The following TENM3 variants were observed in gnomAD, a reference collection of about 807,000 sequenced individuals.
TENM3 encodes teneurin-3.
In TENM3, 63 loss-of-function variants were observed where a neutral mutation model predicts 255.1. The ratio of observed to expected loss-of-function variants is 0.25; its 90% CI spans 0.20 to 0.30. The LOEUF is 0.30. Among genes scored for constraint, TENM3 ranks in the 10% least tolerant of loss-of-function variants. TENM3 has a pLI of 1.00. For synonymous variants in TENM3, 1,306 were observed against 1,322.3 expected (o/e 0.99, Z 0.27); for missense variants, 2,929 against 3,461.1 (o/e 0.85, Z 3.86).
At chr4:181,482,761 C>T in the TENM3 span, among the ~76,000 whole-genome samples, 3 of 152,122 alleles carry the variant, frequency 2.0e-5, no homozygotes, top group Non-Finnish European at 4.4e-5. Flanking sequence ...TGTATTTTAC[C>T]GACCTTTCGT....
At chr4:181,534,654 T>C in the TENM3 span, among the ~76,000 whole-genome samples, 1 of 152,114 alleles carries the variant, frequency 6.6e-6, no homozygotes, top group Non-Finnish European at 1.5e-5. Flanking sequence ...TGAGCTGTGT[T>C]CCCAGAGTAC....
the TENM3 span, among the ~76,000 whole-genome samples, chr4:181,531,972 A>G: frequency 2.0e-5 from 3 of 152,202 alleles, no homozygotes; most frequent in African/African-American, 7.2e-5. Context: ...AACCATCCCC[A>G]GGTGTCTCTG....
chr4:182,382,788 A>T (rs766430609), intron 3 of TENM3, among the ~76,000 whole-genome samples: 3 of 152,026 alleles, frequency 2.0e-5, no homozygotes, highest in African/African-American at 4.8e-5. Flanking sequence ...CTTTTCAGGA[A>T]CTCATTATGT....
chr4:182,593,036 A>T (rs546898090), intron 3 of TENM3, among the ~76,000 whole-genome samples: 2 of 152,344 alleles, frequency 1.3e-5, no homozygotes, highest in East Asian at 3.9e-4. Flanking sequence ...TAGAAGAAAT[A>T]ATCAAAGACT....
the TENM3 span, among the ~76,000 whole-genome samples, chr4:181,729,693 G>T: frequency 6.6e-6 from 1 of 152,162 alleles, no homozygotes; most frequent in South Asian, 2.1e-4. Context: ...CTTCTCCACT[G>T]GGTTATTCAG....
the TENM3 span, among the ~76,000 whole-genome samples, chr4:181,716,231 TA>T: frequency 6.6e-6 from 1 of 152,144 alleles, no homozygotes; most frequent in African/African-American, 2.4e-5. Flanking sequence ...GTAATCACAT[TA>T]AAGAAGTAAA....
chr4:182,730,164 C>G, intron 14 of TENM3, 36 bp from the exon 15 acceptor site: 1 of 1,612,332 alleles, frequency 6.2e-7, no homozygotes, highest in Non-Finnish European at 8.5e-7. Context: ...CCTGAAAAGA[C>G]AGATGTTCAT....
At chr4:181,873,072 G>C in the TENM3 span, among the ~76,000 whole-genome samples, 2 of 151,640 alleles carry the variant, frequency 1.3e-5, no homozygotes, top group African/African-American at 2.4e-5. Context: ...TCTAATATAA[G>C]TATTTTTTTT....
At chr4:182,529,176 T>C (rs892927416) in intron 3 of TENM3, among the ~76,000 whole-genome samples, 4 of 152,184 alleles carry the variant, frequency 2.6e-5, no homozygotes, top group African/African-American at 9.7e-5. Context: ...GAACGTCTTA[T>C]ATACTGGGCT....
chr4:182,734,980 T>G (rs1420653590), intron 16 of TENM3, among the ~76,000 whole-genome samples: 3 of 152,184 alleles, frequency 2.0e-5, no homozygotes, highest in Non-Finnish European at 4.4e-5. Context: ...GCTTTAGGGT[T>G]AAATCACATG....
At chr4:181,767,214 T>C in the TENM3 span, among the ~76,000 whole-genome samples, 3 of 135,772 alleles carry the variant, frequency 2.2e-5, no homozygotes, top group Non-Finnish European at 4.6e-5. Context: ...AAGGTGCCAC[T>C]GCGCTCCAGC....
intron 3 of TENM3, among the ~76,000 whole-genome samples, chr4:182,422,554 A>G (rs992139693): frequency 6.6e-6 from 1 of 152,172 alleles, no homozygotes. Context: ...CTGAGCAGGG[A>G]AGGTCCCAAG....
chr4:182,650,823 C>T (rs1316147627), intron 5 of TENM3, among the ~76,000 whole-genome samples: 1 of 132,748 alleles, frequency 7.5e-6, no homozygotes, highest in Admixed American at 7.5e-5. Context: ...GGATATGAGT[C>T]TCATTATATA....
intron 3 of TENM3, among the ~76,000 whole-genome samples, chr4:182,541,052 T>G (rs1327846373): frequency 6.6e-6 from 1 of 152,232 alleles, no homozygotes; most frequent in African/African-American, 2.4e-5. Flanking sequence ...AATCCCATTT[T>G]ACAGATGGGA....
At chr4:181,611,751 A>G in the TENM3 span, among the ~76,000 whole-genome samples, 25 of 152,364 alleles carry the variant, frequency 1.6e-4, no homozygotes, top group African/African-American at 6.0e-4. Context: ...ACTAGAGATT[A>G]AATATTTACT....
chr4:181,817,822 A>C, the TENM3 span, among the ~76,000 whole-genome samples: 1 of 152,112 alleles, frequency 6.6e-6, no homozygotes, highest in Non-Finnish European at 1.5e-5. Context: ...AGCCTCTAGA[A>C]CTGTAAGAAA....
the TENM3 span, among the ~76,000 whole-genome samples, chr4:181,477,013 T>C: frequency 2.6e-5 from 4 of 152,150 alleles, no homozygotes; most frequent in African/African-American, 9.7e-5. Flanking sequence ...AAGAAGAAAA[T>C]TGTGCTCTTA....
the TENM3 span, among the ~76,000 whole-genome samples, chr4:181,577,793 C>CT: frequency 1.1e-3 from 169 of 151,870 alleles, 1 homozygote; most frequent in Admixed American, 4.6e-3. Context: ...CTACTCTGCT[C>CT]TTTTTTTTAA....
the TENM3 span, among the ~76,000 whole-genome samples, chr4:181,496,010 G>T: frequency 6.6e-6 from 1 of 151,856 alleles, no homozygotes; most frequent in African/African-American, 2.4e-5. Flanking sequence ...AACTCAGAGT[G>T]GCTACCAGCA....
Sources: allele counts gnomAD v4.1 joint callset (sites outside exome capture counted in the v4.1 genomes callset), GRCh38; gene constraint gnomAD v4.1.1; transcripts MANE v1.5; gene names NCBI Gene and HGNC (gene_info 2026-07-23, HGNC 2026-07-21).